SLC25A16: variants seen among roughly 807,000 people sequenced by gnomAD.
The protein encoded by SLC25A16 is mitochondrial coenzyme A transporter SLC25A16.
SLC25A16 carries 39 observed loss-of-function variants against 41.5 expected under a neutral mutation model. That is an observed-to-expected ratio of 0.94 (90% CI 0.73 to 1.23). The LOEUF (loss-of-function observed/expected upper bound fraction) is 1.23, where lower values mean the gene tolerates loss of function less well. SLC25A16 is among the 50% of genes most tolerant of loss of function. The pLI is 0.00. For synonymous variants in SLC25A16, 146 were observed against 147.8 expected (o/e 0.99, Z 0.09); for missense variants, 421 against 426.9 (o/e 0.99, Z 0.12).
At chr10:68,500,909 C>T (rs757046424) in intron 4 of SLC25A16, among the ~76,000 whole-genome samples, 19 of 151,408 alleles carry the variant, frequency 1.3e-4, no homozygotes, top group Non-Finnish European at 2.1e-4. Context: ...CCAGCCTGGG[C>T]GACAGAGGGA....
chr10:68,495,171 G>A (rs2052729112), intron 4 of SLC25A16, among the ~76,000 whole-genome samples: 1 of 152,034 alleles, frequency 6.6e-6, no homozygotes, highest in Non-Finnish European at 1.5e-5. Context: ...AGCACTTTGG[G>A]AGACCGAGGT....
At chr10:68,502,911 GA>G (rs1476376344) in intron 4 of SLC25A16, among the ~76,000 whole-genome samples, 1 of 41,136 alleles carries the variant, frequency 2.4e-5, no homozygotes, top group Non-Finnish European at 4.8e-5. Flanking sequence ...AAAGGAGGGG[GA>G]GAGGAGGGGA....
intron 3 of SLC25A16, among the ~76,000 whole-genome samples, chr10:68,504,776 G>GT (rs1453931125): frequency 6.6e-6 from 1 of 152,072 alleles, no homozygotes; most frequent in East Asian, 1.9e-4. Flanking sequence ...CGTATCCCGG[G>GT]TTCAAGCGAT....
intron 8 of SLC25A16, among the ~76,000 whole-genome samples, chr10:68,484,729 G>C (rs1471808566): frequency 6.6e-6 from 1 of 152,108 alleles, no homozygotes; most frequent in African/African-American, 2.4e-5. Flanking sequence ...GATACAACAA[G>C]CACAGGGTAA....
intron 3 of SLC25A16, among the ~76,000 whole-genome samples, chr10:68,504,667 C>T (rs868402907): frequency 1.3e-5 from 2 of 150,926 alleles, no homozygotes; most frequent in Admixed American, 6.6e-5. Flanking sequence ...CATGAGCCAC[C>T]GCACCCGGCC....
intron 2 of SLC25A16, among the ~76,000 whole-genome samples, chr10:68,508,309 T>C (rs1479768721): frequency 2.1e-5 from 3 of 143,396 alleles, no homozygotes; most frequent in African/African-American, 7.8e-5. Flanking sequence ...TGTATGACTA[T>C]AATAACAGAA....
intron 3 of SLC25A16, among the ~76,000 whole-genome samples, chr10:68,504,007 T>C (rs1026426801): frequency 7.0e-6 from 1 of 143,644 alleles, no homozygotes; most frequent in Non-Finnish European, 1.5e-5. Context: ...GTAGTAGGAA[T>C]AAACTGCTAC....
At chr10:68,484,980 G>C (rs2052534854) in intron 8 of SLC25A16, among the ~76,000 whole-genome samples, 1 of 151,984 alleles carries the variant, frequency 6.6e-6, no homozygotes, top group African/African-American at 2.4e-5. Context: ...ATACACCCTG[G>C]ATTTCAAATA....
chr10:68,512,534 G>A lies in SLC25A16; in HGVS notation c.223+4217C>T, dbSNP rs1304559577. Among the ~76,000 whole-genome samples the A allele has an allele frequency of 2.4e-5, 3 of 125,114 alleles. 1 individual carries two copies. The highest frequency in any genetic ancestry group is 4.9e-5 in the Non-Finnish European group (3 of 60,930). The allele number at this position is 125,114 out of a possible 152,430, so 82.1% of individuals were successfully genotyped here. ...GGCGCCTGTAGTCCCAGCTACTTGG[G>A]AGGCTGAGGCAGGAGAATGGCGTGA... On this transcript the variant is annotated intron_variant, in intron 2 of 8. Transcript: ENST00000609923.
rs565914136 is a variant in SLC25A16, at chr10:68,496,442, G to A, written c.422-2872C>T. On this transcript the variant is annotated intron_variant, in intron 4 of 8. Transcript: ENST00000609923. ...AATCAGAAACTGCTTACCTTGAATA[G>A]TGGTGGTAACAGCTTTCTTCTTCCC... 5.1e-6 allele frequency: 5 copies of A among 976,498 alleles called. No homozygotes were observed. In the South Asian group the frequency reaches 2.4e-4, roughly 46 times the overall value. 60.5% of individuals were successfully genotyped at this position (976,498 alleles called of 1,614,324 possible).
At chr10:68,512,149 C>G (rs898307266) in intron 2 of SLC25A16, among the ~76,000 whole-genome samples, 2 of 152,160 alleles carry the variant, frequency 1.3e-5, no homozygotes, top group Non-Finnish European at 2.9e-5. Context: ...AGGCAGGGCA[C>G]AGTGGCTCAT....
intron 8 of SLC25A16, among the ~76,000 whole-genome samples, chr10:68,485,549 A>AT (rs918377319): frequency 6.6e-6 from 1 of 150,650 alleles, no homozygotes; most frequent in Admixed American, 6.6e-5. Flanking sequence ...AGCCCAGCTA[A>AT]TTTTTTTTGT....
At chr10:68,486,655 C>G (rs1425549104) in intron 8 of SLC25A16, among the ~76,000 whole-genome samples, 2 of 151,748 alleles carry the variant, frequency 1.3e-5, no homozygotes, top group Non-Finnish European at 2.9e-5. Flanking sequence ...ATTACAGGCA[C>G]GAGCTATCGT....
At chr10:68,502,348 A>G (rs959174033) in intron 4 of SLC25A16, among the ~76,000 whole-genome samples, 1 of 152,212 alleles carries the variant, frequency 6.6e-6, no homozygotes, top group Non-Finnish European at 1.5e-5. Flanking sequence ...ACTTCTCTAT[A>G]GGGAAAAAAA....
rs1199735172 is a variant in SLC25A16 at position 68,479,830 on chromosome 10, AAAAAAGAAAG to A, written c.*3592_*3601del. On this transcript the variant is annotated 3_prime_UTR_variant, in exon 9 of 9. Coordinates refer to ENST00000609923, the MANE Select transcript of SLC25A16 (RefSeq NM_152707.4). Reference sequence around the variant, plus strand: ...GAGGCTCTGTCTCAAAAAAAAAAAAAAAAAAGAAAGAAAAGAAAGAAAAATACAAAACTCA... The same window carrying A: ...GAGGCTCTGTCTCAAAAAAAAAAAAAAAAAGAAAGAAAAATACAAAACTCA... The A allele has an allele frequency of 2.6e-5, 4 of 151,980 alleles. No homozygotes were observed. The highest frequency in any genetic ancestry group is 9.7e-5 in the African/African-American group (4 of 41,260). The allele number at this position is 151,980 out of a possible 1,614,324, so 9.4% of individuals were successfully genotyped here.
intron 7 of SLC25A16, among the ~76,000 whole-genome samples, chr10:68,487,485 C>T (rs1295518416): frequency 6.6e-6 from 1 of 152,174 alleles, no homozygotes; most frequent in Non-Finnish European, 1.5e-5. Context: ...ATGCCAGTTC[C>T]TGAAGAAACA....
chr10:68,497,165 C>A (rs1365822149), intron 4 of SLC25A16, among the ~76,000 whole-genome samples: 1 of 152,180 alleles, frequency 6.6e-6, no homozygotes, highest in African/African-American at 2.4e-5. Flanking sequence ...AGCTTCTCAC[C>A]ACCCTCCATT....
chr10:68,525,801 AC>A, intron 1 of SLC25A16, among the ~76,000 whole-genome samples: 1 of 152,158 alleles, frequency 6.6e-6, no homozygotes, highest in East Asian at 1.9e-4. Flanking sequence ...CTATAACCTT[AC>A]CCCCAACCCC....
chr10:68,507,521 C>A (rs1356536699), intron 2 of SLC25A16, among the ~76,000 whole-genome samples: 1 of 151,908 alleles, frequency 6.6e-6, no homozygotes, highest in African/African-American at 2.4e-5. Flanking sequence ...AGTGTGGGGG[C>A]AAATTTTCAT....
Sources: gnomAD v4.1 joint callset for allele counts (sites outside exome capture counted in the v4.1 genomes callset) on GRCh38, gnomAD v4.1.1 for gene constraint, MANE v1.5 for transcripts, NCBI Gene and HGNC (gene_info 2026-07-23, HGNC 2026-07-21) for gene names.